ATF6: variants seen among roughly 807,000 people sequenced by gnomAD.
ATF6 encodes the protein activating transcription factor 6.
In ATF6, 53 loss-of-function variants were observed where a neutral mutation model predicts 83.6. That is an observed-to-expected ratio of 0.63 (90% CI 0.51 to 0.80). ATF6 has a LOEUF of 0.80. ATF6 is among the 30% of genes least tolerant of loss of function. The pLI is 0.00. For missense variants in ATF6, 744 were observed against 797.9 expected (o/e 0.93, Z 0.81); for synonymous variants, 288 against 285.8 (o/e 1.01, Z -0.08).
intron 10 of ATF6, among the ~76,000 whole-genome samples, chr1:161,848,362 G>A (rs147971531): frequency 1.7e-4 from 26 of 151,924 alleles, no homozygotes; most frequent in Non-Finnish European, 2.5e-4. Context: ...ATTTTCAGCC[G>A]TGATACCTAT....
chr1:161,888,015 A>G (rs142404055), intron 14 of ATF6, among the ~76,000 whole-genome samples: 340 of 152,358 alleles, frequency 2.2e-3, no homozygotes, highest in African/African-American at 7.8e-3. Context: ...GCTGACGTCT[A>G]TGAGGGAAGA....
intron 7 of ATF6, among the ~76,000 whole-genome samples, chr1:161,815,184 A>ATTTTTT (rs34687938): frequency 4.3e-4 from 41 of 96,400 alleles, no homozygotes; most frequent in South Asian, 7.0e-4. Flanking sequence ...TCCCATTTTA[A>ATTTTTT]TTTTTTTTTT....
chr1:161,858,309 A>G (rs942096151), intron 12 of ATF6, among the ~76,000 whole-genome samples: 9 of 152,196 alleles, frequency 5.9e-5, no homozygotes, highest in African/African-American at 1.9e-4. Context: ...AAACACATCA[A>G]TTAAAAGGAA....
At chr1:161,800,421 T>C (rs1379057303) in intron 6 of ATF6, among the ~76,000 whole-genome samples, 1 of 152,220 alleles carries the variant, frequency 6.6e-6, no homozygotes, top group Non-Finnish European at 1.5e-5. Context: ...CACTATCTCC[T>C]GTGGACAATC....
chr1:161,783,885 C>T, intron 3 of ATF6, 105 bp from the exon 4 acceptor site: 1 of 791,000 alleles, frequency 1.3e-6, no homozygotes, highest in Non-Finnish European at 2.1e-6. Context: ...ACCTTAGCTT[C>T]CATATCTGAT....
intron 15 of ATF6, among the ~76,000 whole-genome samples, chr1:161,927,626 A>G (rs1688344676): frequency 6.6e-6 from 1 of 152,216 alleles, no homozygotes; most frequent in African/African-American, 2.4e-5. Context: ...TGTGACTTTG[A>G]GCTAAATTAC....
chr1:161,822,004 T>G (rs1319904031), intron 9 of ATF6, among the ~76,000 whole-genome samples: 1 of 152,126 alleles, frequency 6.6e-6, no homozygotes, highest in African/African-American at 2.4e-5. Context: ...TTAAGGATAA[T>G]TCAAAAATTT....
intron 2 of ATF6, among the ~76,000 whole-genome samples, 190 bp from the exon 3 acceptor site, chr1:161,781,722 A>G (rs1354910603): frequency 2.0e-5 from 3 of 152,206 alleles, no homozygotes; most frequent in South Asian, 2.1e-4. Flanking sequence ...CTGTGCTTCA[A>G]GTAACTGAAT....
intron 9 of ATF6, among the ~76,000 whole-genome samples, chr1:161,825,128 T>C (rs912651616): frequency 2.0e-5 from 3 of 152,078 alleles, no homozygotes; most frequent in African/African-American, 7.2e-5. Flanking sequence ...CAGGCTGGAG[T>C]GCAGTGGTGT....
chr1:161,898,856 G>T (rs953187708), intron 14 of ATF6, among the ~76,000 whole-genome samples: 2 of 152,084 alleles, frequency 1.3e-5, no homozygotes, highest in Non-Finnish European at 2.9e-5. Context: ...CCTGTATTCT[G>T]TATTTTTATG....
At chr1:161,838,023 C>T (rs1300611168) in intron 9 of ATF6, among the ~76,000 whole-genome samples, 1 of 152,120 alleles carries the variant, frequency 6.6e-6, no homozygotes, top group Non-Finnish European at 1.5e-5. Context: ...AGAGCAACAG[C>T]CACTCAGGCA....
intron 2 of ATF6, 71 bp downstream of exon 2, chr1:161,778,391 G>A: frequency 8.1e-7 from 1 of 1,232,238 alleles, no homozygotes; most frequent in Non-Finnish European, 1.2e-6. Flanking sequence ...AAAGTTTCAG[G>A]ACAACAGGTT....
chr1:161,894,800 T>A (rs1449345950), intron 14 of ATF6, among the ~76,000 whole-genome samples: 2 of 149,674 alleles, frequency 1.3e-5, no homozygotes, highest in Non-Finnish European at 3.0e-5. Context: ...GCCACCCGCC[T>A]TGGCCTCCCA....
rs12027868 is a variant in ATF6, at chr1:161,812,643, C to T, written c.910-6990C>T. 5.4e-4 allele frequency among the ~76,000 whole-genome samples: 82 copies of T among 152,078 alleles called. No individual in the cohort carries two copies. In the East Asian group the frequency reaches 0.015, roughly 27 times the overall value. On this transcript the variant is annotated intron_variant, in intron 7 of 15. Coordinates refer to ENST00000367942, the MANE Select transcript of ATF6 (RefSeq NM_007348.4). ...TCCTGACCTCGTGATCCACCCGCCTCGGCCTCCCAAAGTGCTGGGATCACA... is the reference window on the plus strand; with the variant it reads ...TCCTGACCTCGTGATCCACCCGCCTTGGCCTCCCAAAGTGCTGGGATCACA...
At chr1:161,826,289 A>T (rs74125021) in intron 9 of ATF6, among the ~76,000 whole-genome samples, 180 of 152,272 alleles carry the variant, frequency 1.2e-3, no homozygotes, top group Non-Finnish European at 1.9e-3. Flanking sequence ...AACAAAAAAA[A>T]TTTTTTGAGT....
chr1:161,861,227 T>C (rs922463978), intron 13 of ATF6, among the ~76,000 whole-genome samples: 95 of 152,324 alleles, frequency 6.2e-4, no homozygotes, highest in African/African-American at 2.2e-3. Flanking sequence ...ACATTTGCAG[T>C]TCACTTATAT....
At chr1:161,781,331 A>T (rs913943213) in intron 2 of ATF6, among the ~76,000 whole-genome samples, 1 of 152,138 alleles carries the variant, frequency 6.6e-6, no homozygotes, top group Non-Finnish European at 1.5e-5. Context: ...TTTGATTCAT[A>T]AAAGTTTTAG....
At chr1:161,839,332 G>A (rs994163366) in intron 9 of ATF6, among the ~76,000 whole-genome samples, 2 of 152,078 alleles carry the variant, frequency 1.3e-5, no homozygotes, top group African/African-American at 4.8e-5. Flanking sequence ...ACATGTTGAA[G>A]GGTAGTTGTT....
chr1:161,863,220 C>T lies in ATF6; in HGVS notation c.1627C>T (p.Gln543Ter). ...TAGCAGGAACTCAGGGAGTGAGCTA[C>T]AAGTGTATTATGCTTCACCCAGAAG... ...SISRNSGSEL[Q>*]VYYASPRSYQ... The change falls in exon 14 of 16, where the codon CAA becomes TAA. Residue 543 changes from glutamine (Q) to a stop codon, truncating the protein, a stop_gained. Transcript: ENST00000367942. LOFTEE classifies it high-confidence loss of function. 6.2e-7 allele frequency: 1 copy of T among 1,607,824 alleles called. No homozygotes were observed. Among genetic ancestry groups the T allele is most frequent in the Non-Finnish European group, 8.5e-7 (1 of 1,175,230 alleles).
Sources: allele counts gnomAD v4.1 joint callset (sites outside exome capture counted in the v4.1 genomes callset), GRCh38; gene constraint gnomAD v4.1.1; transcripts MANE v1.5; gene names NCBI Gene and HGNC (gene_info 2026-07-23, HGNC 2026-07-21).